The following WWTR1 variants were observed in gnomAD, a reference collection of about 807,000 sequenced individuals.
WWTR1 encodes the protein WW domain-containing transcription regulator protein 1.
Under a neutral mutation model 40.1 loss-of-function variants are expected in WWTR1, and 13 were observed. The ratio of observed to expected loss-of-function variants is 0.32; its 90% CI spans 0.21 to 0.52. The LOEUF (loss-of-function observed/expected upper bound fraction) is 0.52, where lower values mean the gene tolerates loss of function less well. Among genes scored for constraint, WWTR1 ranks in the 20% least tolerant of loss-of-function variants. The pLI is 0.97. For synonymous variants in WWTR1, 230 were observed against 210.1 expected, an observed-to-expected ratio of 1.09 and a Z score of -0.82; for missense variants, 436 against 523.1, an observed-to-expected ratio of 0.83 and a Z score of 1.63.
At chr3:149,706,258 G>A (rs1049218759), upstream of WWTR1, among the ~76,000 whole-genome samples, 9 of 152,188 alleles carry the variant, frequency 5.9e-5, no homozygotes, top group East Asian at 1.9e-4. Flanking sequence ...TAAATTTTTC[G>A]TGCACATTCT....
chr3:149,693,745 AG>A (rs1297054120), intron 1 of WWTR1, among the ~76,000 whole-genome samples: 3 of 152,208 alleles, frequency 2.0e-5, no homozygotes, highest in African/African-American at 4.8e-5. Flanking sequence ...CACTGGGGAA[AG>A]GACAGTCTCT....
chr3:149,645,520 G>A (rs1269535986), intron 2 of WWTR1, among the ~76,000 whole-genome samples: 2 of 152,174 alleles, frequency 1.3e-5, no homozygotes, highest in African/African-American at 4.8e-5. Context: ...TTTGGTAAGA[G>A]TATGTATTAT....
At chr3:149,687,639 G>T (rs775577906) in intron 1 of WWTR1, among the ~76,000 whole-genome samples, 4 of 152,210 alleles carry the variant, frequency 2.6e-5, no homozygotes, top group Non-Finnish European at 4.4e-5. Context: ...ACACAGCTAG[G>T]TAGTGCTGCT....
chr3:149,526,395 C>A (rs1169411282), intron 5 of WWTR1, among the ~76,000 whole-genome samples: 4 of 151,178 alleles, frequency 2.6e-5, no homozygotes, highest in Non-Finnish European at 5.9e-5. Flanking sequence ...AGTATGACAC[C>A]ATTTATGTAA....
intron 2 of WWTR1, among the ~76,000 whole-genome samples, chr3:149,597,538 G>A (rs1041794340): frequency 4.6e-5 from 7 of 152,124 alleles, no homozygotes; most frequent in African/African-American, 1.4e-4. Flanking sequence ...CCAGTGCCTC[G>A]AGAGGCTGGG....
chr3:149,692,385 G>A (rs551244027), intron 1 of WWTR1, among the ~76,000 whole-genome samples: 4 of 152,208 alleles, frequency 2.6e-5, no homozygotes, highest in African/African-American at 9.6e-5. Context: ...CATATCAACA[G>A]AAGATAAAAA....
chr3:149,644,220 A>G (rs563019738), intron 2 of WWTR1, among the ~76,000 whole-genome samples: 1 of 152,230 alleles, frequency 6.6e-6, no homozygotes, highest in Non-Finnish European at 1.5e-5. Context: ...TATCCAATCC[A>G]TCACCAAATC....
intron 2 of WWTR1, among the ~76,000 whole-genome samples, chr3:149,620,602 A>G (rs945253056): frequency 1.4e-5 from 2 of 146,298 alleles, no homozygotes; most frequent in African/African-American, 2.5e-5. Context: ...TTTGTAAAAG[A>G]CTTCTTTAAA....
intron 1 of WWTR1, among the ~76,000 whole-genome samples, chr3:149,700,404 A>G (rs960133583): frequency 6.6e-6 from 1 of 152,314 alleles, no homozygotes; most frequent in African/African-American, 2.4e-5. Flanking sequence ...CTAGCATGGT[A>G]CCATTATAGT....
At chr3:149,575,667 T>C (rs540546682) in intron 2 of WWTR1, among the ~76,000 whole-genome samples, 3 of 152,226 alleles carry the variant, frequency 2.0e-5, no homozygotes, top group Non-Finnish European at 4.4e-5. Flanking sequence ...GCTGGAATGA[T>C]GCATTCCTAA....
At chr3:149,647,416 CT>C (rs1712593764) in intron 2 of WWTR1, among the ~76,000 whole-genome samples, 1 of 152,176 alleles carries the variant, frequency 6.6e-6, no homozygotes. Context: ...GGAACTGGGC[CT>C]AGGTGGGCCC....
At chr3:149,651,781 G>A (rs1328185184) in intron 2 of WWTR1, among the ~76,000 whole-genome samples, 1 of 150,818 alleles carries the variant, frequency 6.6e-6, no homozygotes, top group Non-Finnish European at 1.5e-5. Context: ...ACAAGGCAAT[G>A]AATCATTTCA....
At chr3:149,597,286 C>T (rs1365382794) in intron 2 of WWTR1, among the ~76,000 whole-genome samples, 1 of 152,012 alleles carries the variant, frequency 6.6e-6, no homozygotes, top group Middle Eastern at 3.4e-3. Context: ...ATTCTCTATG[C>T]CTTAAGGATC....
intron 3 of WWTR1, among the ~76,000 whole-genome samples, chr3:149,568,169 T>C (rs1737422302): frequency 6.6e-6 from 1 of 152,160 alleles, no homozygotes; most frequent in South Asian, 2.1e-4. Context: ...GCGGATTGCC[T>C]GAGGTCAGGA....
At chr3:149,595,799 G>A (rs1362869121) in intron 2 of WWTR1, among the ~76,000 whole-genome samples, 4 of 152,134 alleles carry the variant, frequency 2.6e-5, no homozygotes, top group Admixed American at 6.6e-5. Context: ...TTGGGAGGCC[G>A]AGGCAGGTGA....
At chr3:149,694,627 A>T (rs1047676059) in intron 1 of WWTR1, among the ~76,000 whole-genome samples, 1 of 152,238 alleles carries the variant, frequency 6.6e-6, no homozygotes, top group East Asian at 1.9e-4. Flanking sequence ...ATGGGATATC[A>T]TCTGACCCCA....
intron 1 of WWTR1, among the ~76,000 whole-genome samples, chr3:149,673,705 T>C (rs1714165676): frequency 6.6e-6 from 1 of 152,216 alleles, no homozygotes; most frequent in Admixed American, 6.5e-5. Flanking sequence ...GCATTTGAAG[T>C]GTTCTTTACT....
chr3:149,543,162 T>C (rs987045218), intron 3 of WWTR1, among the ~76,000 whole-genome samples: 3 of 152,208 alleles, frequency 2.0e-5, no homozygotes, highest in Non-Finnish European at 4.4e-5. Flanking sequence ...GAGAAATTAG[T>C]GAGAAAGAAA....
At chr3:149,541,617 G>A (rs752309804) in intron 4 of WWTR1, among the ~76,000 whole-genome samples, 1 of 151,876 alleles carries the variant, frequency 6.6e-6, no homozygotes, top group African/African-American at 2.4e-5. Flanking sequence ...GGGGTTCTCT[G>A]TGACTACTTT....
Sources: allele counts gnomAD v4.1 joint callset (sites outside exome capture counted in the v4.1 genomes callset), GRCh38; gene constraint gnomAD v4.1.1; transcripts MANE v1.5; gene names NCBI Gene and HGNC (gene_info 2026-07-23, HGNC 2026-07-21).